PTPRD: variants seen among roughly 807,000 people sequenced by gnomAD.
PTPRD encodes receptor-type tyrosine-protein phosphatase delta.
Under a neutral mutation model 214.5 loss-of-function variants are expected in PTPRD, and 34 were observed. The observed-to-expected ratio is 0.16, with a 90% CI of 0.12 to 0.21. The LOEUF (loss-of-function observed/expected upper bound fraction) is 0.21. PTPRD is among the 10% of genes least tolerant of loss of function. PTPRD has a pLI of 1.00. For synonymous variants in PTPRD, 1,128 were observed against 845.7 expected, an observed-to-expected ratio of 1.33 and a Z score of -5.79; for missense variants, 2,545 against 2,398.7, an observed-to-expected ratio of 1.06 and a Z score of -1.27.
intron 3 of PTPRD, among the ~76,000 whole-genome samples, chr9:10,106,236 G>T (rs574826993): frequency 6.6e-6 from 1 of 151,632 alleles, no homozygotes; most frequent in Non-Finnish European, 1.5e-5. Flanking sequence ...TTTCTATTCT[G>T]CAATATATTG....
intron 34 of PTPRD, among the ~76,000 whole-genome samples, chr9:8,438,190 A>G (rs1001089443): frequency 1.3e-5 from 2 of 152,168 alleles, no homozygotes; most frequent in Admixed American, 6.5e-5. Flanking sequence ...TAGGAATTAT[A>G]CCATTGTTAA....
chr9:9,830,448 T>C (rs138953610), intron 5 of PTPRD, among the ~76,000 whole-genome samples: 1 of 152,052 alleles, frequency 6.6e-6, no homozygotes, highest in Non-Finnish European at 1.5e-5. Context: ...AGTATGATCC[T>C]ATTTTTGATA....
chr9:8,327,808 T>A (rs1229895137), intron 44 of PTPRD, among the ~76,000 whole-genome samples: 1 of 152,060 alleles, frequency 6.6e-6, no homozygotes, highest in East Asian at 1.9e-4. Context: ...TGGTTTAAAG[T>A]CCGTTTTATC....
chr9:9,465,640 AT>A (rs1384792008), intron 8 of PTPRD, among the ~76,000 whole-genome samples: 2 of 152,204 alleles, frequency 1.3e-5, no homozygotes, highest in Non-Finnish European at 2.9e-5. Flanking sequence ...CCTCTCTTCC[AT>A]CTTTTTGCCT....
intron 7 of PTPRD, among the ~76,000 whole-genome samples, chr9:9,593,434 A>G (rs187843635): frequency 6.6e-6 from 1 of 152,172 alleles, no homozygotes; most frequent in East Asian, 1.9e-4. Context: ...TTTTAAAGAA[A>G]AGTAAACATG....
At chr9:8,717,725 A>G (rs1446167322) in intron 12 of PTPRD, among the ~76,000 whole-genome samples, 1 of 152,186 alleles carries the variant, frequency 6.6e-6, no homozygotes, top group Non-Finnish European at 1.5e-5. Context: ...CTACATGTCT[A>G]CATTCTATTC....
intron 3 of PTPRD, among the ~76,000 whole-genome samples, chr9:10,208,077 A>G (rs2099493087): frequency 6.6e-6 from 1 of 152,194 alleles, no homozygotes; most frequent in Non-Finnish European, 1.5e-5. Flanking sequence ...CTAGGCTGTC[A>G]AGTTTCTGGT....
chr9:9,503,669 G>T (rs73641308), intron 8 of PTPRD, among the ~76,000 whole-genome samples: 1,855 of 151,834 alleles, frequency 0.012, 40 homozygotes, highest in African/African-American at 0.042. Context: ...AAGTGTGTAA[G>T]TTCTCAGAAT....
chr9:9,902,737 T>C (rs189808673), intron 5 of PTPRD, among the ~76,000 whole-genome samples: 2 of 152,236 alleles, frequency 1.3e-5, no homozygotes, highest in Admixed American at 1.3e-4. Context: ...ATAGATACCT[T>C]AGATACATAG....
At chr9:9,927,781 T>G (rs1342609187) in intron 5 of PTPRD, among the ~76,000 whole-genome samples, 2 of 152,154 alleles carry the variant, frequency 1.3e-5, no homozygotes, top group African/African-American at 2.4e-5. Context: ...CTTTAGTCAT[T>G]GAGAGCCATC....
chr9:9,402,565 T>C (rs2071096467), intron 8 of PTPRD, among the ~76,000 whole-genome samples: 1 of 152,082 alleles, frequency 6.6e-6, no homozygotes, highest in Admixed American at 6.6e-5. Context: ...CTCAAATCCA[T>C]AGTTATAAAA....
chr9:8,929,883 G>GTA lies in PTPRD; in HGVS notation c.-104+88813_-104+88814insTA, dbSNP rs2098937865. On this transcript the variant is annotated intron_variant, in intron 11 of 45. Transcript: ENST00000381196. ...TGTATATACATGTGTGTGTATATAT[G>GTA]TGTGTGTATATATATGTGTATATAT... Among the ~76,000 whole-genome samples, 2 of 92,470 alleles carry GTA rather than the reference G, an allele frequency of 2.2e-5. 1 individual carries two copies. Among genetic ancestry groups the GTA allele is most frequent in the Non-Finnish European group, 4.4e-5 (2 of 45,776 alleles). The allele number at this position is 92,470 out of a possible 152,430, so 60.7% of individuals were successfully genotyped here.
chr9:10,590,998 G>T (rs1191410936), intron 2 of PTPRD, among the ~76,000 whole-genome samples: 1 of 151,736 alleles, frequency 6.6e-6, no homozygotes, highest in Middle Eastern at 3.2e-3. Flanking sequence ...CTTCATAATT[G>T]ACTTTTTTGT....
chr9:8,465,737 T>C (rs1016821392), intron 31 of PTPRD, 62 bp from the exon 32 acceptor site: 1 of 1,409,006 alleles, frequency 7.1e-7, no homozygotes, highest in Non-Finnish European at 9.7e-7. Flanking sequence ...TTATTGATAA[T>C]TTAATGAGAT....
At chr9:9,194,910 C>G (rs1201123687) in intron 9 of PTPRD, among the ~76,000 whole-genome samples, 1 of 151,688 alleles carries the variant, frequency 6.6e-6, no homozygotes, top group Non-Finnish European at 1.5e-5. Context: ...GTCAGTGACA[C>G]TTTTTTGTTT....
intron 35 of PTPRD, among the ~76,000 whole-genome samples, chr9:8,432,777 C>T (rs960342133): frequency 6.6e-6 from 1 of 152,176 alleles, no homozygotes; most frequent in Non-Finnish European, 1.5e-5. Context: ...ACATCTCCTT[C>T]ATGCCGGTTA....
intron 5 of PTPRD, among the ~76,000 whole-genome samples, chr9:9,792,920 T>C (rs1455135241): frequency 6.6e-6 from 1 of 152,138 alleles, no homozygotes; most frequent in Non-Finnish European, 1.5e-5. Flanking sequence ...GGTATTAAAA[T>C]GGAGTTTTTA....
intron 10 of PTPRD, among the ~76,000 whole-genome samples, chr9:9,092,802 G>C (rs963831722): frequency 3.3e-5 from 5 of 151,958 alleles, no homozygotes; most frequent in Admixed American, 6.5e-5. Context: ...AATTTAGAAA[G>C]ACAAATAAAA....
intron 4 of PTPRD, among the ~76,000 whole-genome samples, chr9:10,032,361 G>A (rs1026047106): frequency 6.6e-6 from 1 of 152,138 alleles, no homozygotes; most frequent in Non-Finnish European, 1.5e-5. Flanking sequence ...TAAATGATGT[G>A]TGCCAACAGA....
Sources: gnomAD v4.1 joint callset for allele counts (sites outside exome capture counted in the v4.1 genomes callset) on GRCh38, gnomAD v4.1.1 for gene constraint, MANE v1.5 for transcripts, NCBI Gene and HGNC (gene_info 2026-07-23, HGNC 2026-07-21) for gene names.